ACAD9: variants seen among roughly 807,000 people sequenced by gnomAD.
ACAD9 encodes complex I assembly factor ACAD9, mitochondrial.
ACAD9 carries 53 observed loss-of-function variants against 70.2 expected under a neutral mutation model. The observed-to-expected ratio is 0.75, with a 90% CI of 0.61 to 0.95. The LOEUF (loss-of-function observed/expected upper bound fraction) is 0.95, where lower values mean the gene tolerates loss of function less well. ACAD9 is among the 40% of genes least tolerant of loss of function. ACAD9 has a pLI of 0.00. For missense variants in ACAD9, 777 were observed against 802.8 expected, an observed-to-expected ratio of 0.97 and a Z score of 0.39; for synonymous variants, 313 against 312.1, an observed-to-expected ratio of 1.00 and a Z score of -0.03.
At chr3:128,907,301 C>T (rs145554432) in intron 12 of ACAD9, among the ~76,000 whole-genome samples, 2,339 of 152,222 alleles carry the variant, frequency 0.015, 25 homozygotes, top group South Asian at 0.023. Flanking sequence ...AGTGGACATA[C>T]GGGGCAAGGG....
At chr3:128,910,388 C>A in intron 16 of ACAD9, 1 of 1,434,738 alleles carries the variant, frequency 7.0e-7, no homozygotes, top group East Asian at 2.5e-5. Flanking sequence ...CCCCTACCCC[C>A]AGCAAGGGAC....
intron 6 of ACAD9, chr3:128,898,621 A>C: frequency 3.3e-6 from 1 of 303,688 alleles, no homozygotes; most frequent in Non-Finnish European, 6.4e-6. Flanking sequence ...GTTGGTCTCA[A>C]ACTCCGGGGC....
Position 128,882,857 on chromosome 3 carries a change from C to T in ACAD9, c.151-1796C>T, listed in dbSNP as rs539292428. The stretch of plus-strand genomic sequence containing the variant: ...TTTGATAACATCAGGATCTTTCTCC[C>T]ACGCCCCTGCAATCTCTCCTGTGTG... On this transcript the variant is annotated intron_variant, in intron 1 of 17. Transcript: ENST00000308982. 4.6e-5 allele frequency among the ~76,000 whole-genome samples: 7 copies of T among 152,328 alleles called. No homozygotes were observed. In the East Asian group the frequency reaches 1.3e-3, roughly 29 times the overall value.
chr3:128,892,036 C>T (rs1242387971), intron 2 of ACAD9, among the ~76,000 whole-genome samples: 2 of 152,068 alleles, frequency 1.3e-5, no homozygotes, highest in African/African-American at 4.8e-5. Context: ...GTTAAAGAAG[C>T]CCGGGAAAAT....
intron 6 of ACAD9, among the ~76,000 whole-genome samples, chr3:128,898,213 G>A (rs962274124): frequency 1.3e-5 from 2 of 152,038 alleles, no homozygotes; most frequent in African/African-American, 4.8e-5. Flanking sequence ...GACATATTCT[G>A]TGTGCCTGGC....
At chr3:128,897,748 T>A (rs1289305690) in intron 6 of ACAD9, 38 bp downstream of exon 6, 1 of 1,572,180 alleles carries the variant, frequency 6.4e-7, no homozygotes, top group South Asian at 1.1e-5. Context: ...AGGGTCTCAG[T>A]CACAACCTTC....
chr3:128,879,982 A>C, intron 1 of ACAD9, 141 bp downstream of exon 1: 3 of 1,554,942 alleles, frequency 1.9e-6, no homozygotes, highest in Non-Finnish European at 2.6e-6. Context: ...AACACTCCGG[A>C]TTCCTGAGTT....
Position 128,909,003 on chromosome 3 carries a change from C to T in ACAD9, c.1389C>T (p.Val463=), listed in dbSNP as rs1326383499. The change falls in exon 14 of 18, where the codon GTC becomes GTT. Residue 463 remains valine (V), a synonymous_variant. Coordinates refer to ENST00000308982, the MANE Select transcript of ACAD9 (RefSeq NM_014049.5). ...HELKQAKVST[V]MDTVGRRLRD... ...TTAAACAGGCCAAAGTGAGCACAGT[C>T]ATGGATACCGTTGGCCGGAGGCTTC... 1 of 1,614,180 alleles carries T rather than the reference C, an allele frequency of 6.2e-7. No individual in the cohort carries two copies. The highest frequency in any genetic ancestry group is 8.5e-7 in the Non-Finnish European group (1 of 1,180,038).
chr3:128,905,511 G>A (rs371474112), intron 11 of ACAD9, among the ~76,000 whole-genome samples: 1 of 152,194 alleles, frequency 6.6e-6, no homozygotes. Flanking sequence ...CGGCAGGAGA[G>A]TCTACCTAAA....
At chr3:128,903,125 C>CA (rs1935789319) in intron 9 of ACAD9, among the ~76,000 whole-genome samples, 1 of 152,164 alleles carries the variant, frequency 6.6e-6, no homozygotes, top group Admixed American at 6.5e-5. Flanking sequence ...CAGAATACCC[C>CA]AAACCTCCAT....
chr3:128,897,708 A>G lies in ACAD9; in HGVS notation c.631A>G (p.Lys211Glu). The stretch of plus-strand genomic sequence containing the variant: ...GAAGCACTACATCCTCAATGGCTCC[A>G]AGGTAGGGTTCCTTCCCCATGGCCA... ...DKKHYILNGS[K>E]VWITNGGLAN... The change falls in exon 6 of 18, where the codon AAG (lysine) becomes GAG (glutamate). Residue 211 changes from lysine to glutamate, a missense_variant and splice_region_variant. Coordinates refer to ENST00000308982, the MANE Select transcript of ACAD9 (RefSeq NM_014049.5). 6.2e-7 allele frequency: 1 copy of G among 1,613,236 alleles called. No homozygotes were observed. The highest frequency in any genetic ancestry group is 1.1e-5 in the South Asian group (1 of 90,848).
chr3:128,896,593 C>T, intron 5 of ACAD9, 57 bp downstream of exon 5: 4 of 1,568,002 alleles, frequency 2.6e-6, no homozygotes, highest in Non-Finnish European at 3.5e-6. Flanking sequence ...CCAAGATTCA[C>T]TGGGGCAAGG....
chr3:128,897,776 A>C (rs1277047832), intron 6 of ACAD9, 66 bp downstream of exon 6: 17 of 1,369,758 alleles, frequency 1.2e-5, no homozygotes, highest in Non-Finnish European at 4.1e-6. Context: ...CTGAGTGAGC[A>C]CTCTCCACAC....
At chr3:128,882,914 A>G (rs772272576) in intron 1 of ACAD9, among the ~76,000 whole-genome samples, 10 of 152,110 alleles carry the variant, frequency 6.6e-5, no homozygotes, top group Non-Finnish European at 1.5e-4. Context: ...CTGAAGGCCA[A>G]TTAGTTGCCA....
chr3:128,886,016 A>T (rs1392963260), intron 2 of ACAD9, among the ~76,000 whole-genome samples: 2 of 141,598 alleles, frequency 1.4e-5, no homozygotes, highest in Non-Finnish European at 3.1e-5. Context: ...GACTTTGTCT[A>T]AAAAAAAAAA....
At chr3:128,895,897 A>C (rs1166963660) in intron 4 of ACAD9, among the ~76,000 whole-genome samples, 1 of 152,258 alleles carries the variant, frequency 6.6e-6, no homozygotes, top group Non-Finnish European at 1.5e-5. Context: ...CTGAATGCAC[A>C]CCATGCTCGG....
At chr3:128,899,213 G>T in intron 6 of ACAD9, 74 bp from the exon 7 acceptor site, 1 of 1,536,434 alleles carries the variant, frequency 6.5e-7, no homozygotes, top group Non-Finnish European at 9.0e-7. Context: ...GCTGGAGCTT[G>T]ATGGACAAAG....
At chr3:128,892,288 A>G (rs770053865) in intron 2 of ACAD9, among the ~76,000 whole-genome samples, 5 of 152,236 alleles carry the variant, frequency 3.3e-5, no homozygotes, top group Non-Finnish European at 7.3e-5. Flanking sequence ...ATGTATGTCA[A>G]TAAAGTTGTT....
At chr3:128,880,561 T>C (rs1442357037) in intron 1 of ACAD9, among the ~76,000 whole-genome samples, 1 of 144,282 alleles carries the variant, frequency 6.9e-6, no homozygotes. Context: ...TTTTTTTTTT[T>C]GTATTTTTAG....
Sources: gnomAD v4.1 joint callset for allele counts (sites outside exome capture counted in the v4.1 genomes callset) on GRCh38, gnomAD v4.1.1 for gene constraint, MANE v1.5 for transcripts, NCBI Gene and HGNC (gene_info 2026-07-23, HGNC 2026-07-21) for gene names.